Variants in DENND1C observed in about 807,000 individuals in gnomAD.
DENND1C encodes the protein DENN domain-containing protein 1C.
DENND1C carries 64 observed loss-of-function variants against 87.9 expected under a neutral mutation model. The ratio of observed to expected loss-of-function variants is 0.73; its 90% CI spans 0.60 to 0.90. The LOEUF (loss-of-function observed/expected upper bound fraction) is 0.90, where lower values mean the gene tolerates loss of function less well. Ranked by LOEUF, DENND1C falls within the 40% of genes least tolerant of loss-of-function variation. The pLI is 0.00. For synonymous variants in DENND1C, 384 were observed against 424.4 expected, an observed-to-expected ratio of 0.90 and a Z score of 1.17; for missense variants, 980 against 1,037.0, an observed-to-expected ratio of 0.95 and a Z score of 0.76.
intron 10 of DENND1C, chr19:6,476,610 C>G: frequency 4.0e-6 from 2 of 498,552 alleles, no homozygotes; most frequent in Non-Finnish European, 7.1e-6. Flanking sequence ...TGGAGCCAGA[C>G]GTGTTGCGGC....
chr19:6,478,408 A>AT (rs2092875790), intron 6 of DENND1C, among the ~76,000 whole-genome samples: 1 of 106,862 alleles, frequency 9.4e-6, no homozygotes, highest in African/African-American at 3.9e-5. Flanking sequence ...ACGGCCGGCT[A>AT]ATTTTTTTTT....
Position 6,468,404 on chromosome 19 carries a change from A to C in DENND1C, c.1621T>G (p.Trp541Gly), listed in dbSNP as rs1329536098. Residue 541 changes from tryptophan (W) to glycine (G), a missense_variant, in exon 22 of 23, where the codon TGG becomes GGG. Trp to Gly is a radical substitution (Grantham distance 184). Transcript: ENST00000381480. ...CTGCTGTCCAGAGCTTCTTCTGCCC[A>C]CGGGCACCCCTCATCCTCAGGGCTC... ...PLSPEDEGCPWAEEALDSSFL... is the reference protein window; with the variant it reads ...PLSPEDEGCPGAEEALDSSFL... 5 of 1,613,712 alleles carry C rather than the reference A, an allele frequency of 3.1e-6. No homozygotes were observed. The highest frequency in any genetic ancestry group is 4.2e-6 in the Non-Finnish European group (5 of 1,179,802).
Position 6,471,290 on chromosome 19 carries a change from T to A in DENND1C, c.1265A>T (p.Tyr422Phe). The change falls in exon 17 of 23, where the codon TAT becomes TTT. Residue 422 changes from tyrosine (Y) to phenylalanine (F), a missense_variant. By Grantham distance (22) the Tyr-to-Phe change is conservative. Transcript: ENST00000381480. Reference sequence around the variant, plus strand: ...CTTTAGATTGTCGGCCCAGAGCTGATAGGATCGAAGGGCCCCTGGGGTAAG... The same window carrying A: ...CTTTAGATTGTCGGCCCAGAGCTGAAAGGATCGAAGGGCCCCTGGGGTAAG... The part of the protein sequence containing the change: ...CGASSGALRS[Y>F]QLWADNLKKG... The A allele has an allele frequency of 6.3e-7, 1 of 1,597,774 alleles. No individual in the cohort carries two copies. The highest frequency in any genetic ancestry group is 1.8e-5 in the Admixed American group (1 of 57,068).
In DENND1C at chr19:6,479,276, T is replaced by C. The variant is rs530192287; in HGVS notation, c.177-220A>G. The stretch of plus-strand genomic sequence containing the variant: ...CCCTGGGTCCCTGGATCTCTGGGTT[T>C]CTGGATCTCTGGGTCCTTGAATCCC... On this transcript the variant is annotated intron_variant, in intron 4 of 22. Transcript: ENST00000381480. Among the ~76,000 whole-genome samples the C allele has an allele frequency of 1.6e-3, 231 of 148,264 alleles. 1 individual carries two copies. Among genetic ancestry groups the C allele is most frequent in the African/African-American group, 5.7e-3 (219 of 38,654 alleles).
Position 6,467,307 on chromosome 19 carries a change from T to A in DENND1C, c.*197A>T. 1 of 668,752 alleles carries A rather than the reference T, an allele frequency of 1.5e-6. No individual in the cohort carries two copies. The highest frequency in any genetic ancestry group is 4.6e-4 in the Middle Eastern group (1 of 2,194). 41.4% of individuals were successfully genotyped at this position (668,752 alleles called of 1,614,324 possible). A position where few individuals can be genotyped will look rare whatever the true frequency, so the allele number is the denominator to read the frequency against. ...AGAGGAATTGTAAGGTTGCCAGGAT[T>A]CTAGAAGACCAGGAGGCTTCCTGGA... On this transcript the variant is annotated 3_prime_UTR_variant, in exon 23 of 23. Transcript: ENST00000381480.
At chr19:6,470,780 C>T (rs1230056859) in intron 17 of DENND1C, among the ~76,000 whole-genome samples, 1 of 150,834 alleles carries the variant, frequency 6.6e-6, no homozygotes, top group East Asian at 2.0e-4. Context: ...TGCCACCACA[C>T]CCGGCTAATT....
In DENND1C at chr19:6,470,377, G is replaced by A; in HGVS notation, c.1291-11C>T. The stretch of plus-strand genomic sequence containing the variant: ...GGCGCCACCACCTTTCTGCGGGAGA[G>A]AAGATACCAAGGGGGAGAGGCTAGG... On this transcript the variant is annotated splice_polypyrimidine_tract_variant and intron_variant, in intron 17 of 22. Transcript: ENST00000381480. 1 of 1,611,548 alleles carries A rather than the reference G, an allele frequency of 6.2e-7. No individual in the cohort carries two copies. The highest frequency in any genetic ancestry group is 1.1e-5 in the South Asian group (1 of 90,424).
Position 6,477,077 on chromosome 19 carries a change from C to T in DENND1C, c.564G>A (p.Glu188=), listed in dbSNP as rs529257225. The T allele has an allele frequency of 6.2e-7, 1 of 1,607,298 alleles. No individual in the cohort carries two copies. The highest frequency in any genetic ancestry group is 8.5e-7 in the Non-Finnish European group (1 of 1,177,022). ...CCAGAGACCCCTCCCCACTCACGTT[C>T]TCAGGGATGGATGGCAGGCGGCCGG... ...PDSGRLPSIP[E]NRNLTELVVA... Residue 188 remains glutamate (E), a synonymous_variant, in exon 9 of 23, where the codon GAG becomes GAA. Transcript: ENST00000381480.
At position 6,477,284 on chromosome 19, in the gene DENND1C, C is replaced by T. The variant is rs1381018967; in HGVS notation, c.448-1G>A. The T allele has an allele frequency of 6.3e-7, 1 of 1,592,442 alleles. No individual in the cohort carries two copies. The highest frequency in any genetic ancestry group is 1.3e-5 in the African/African-American group (1 of 74,476). On this transcript the variant is annotated splice_acceptor_variant, in intron 7 of 22. Coordinates refer to ENST00000381480, the MANE Select transcript of DENND1C (RefSeq NM_024898.4). LOFTEE classifies it high-confidence loss of function. ...CGCTGGAGACCGTCACTCCGCTGCC[C>T]TGGGGAAGAGGCACGACTCTGTGGT... is the stretch of plus-strand genomic sequence containing the variant.
chr19:6,471,572 C>G, intron 15 of DENND1C, 76 bp from the exon 16 acceptor site: 1 of 1,372,278 alleles, frequency 7.3e-7, no homozygotes, highest in Non-Finnish European at 9.7e-7. Flanking sequence ...TGCCTGCTGT[C>G]AAGATGTAGA....
Position 6,478,660 on chromosome 19 carries a change from A to T in DENND1C, c.366+123T>A, listed in dbSNP as rs57346797. 1.0e-2 allele frequency: 11,553 copies of T among 1,160,750 alleles called. 792 individuals are homozygous for T. The African/African-American group carries it at 0.15, about 15-fold the overall frequency. The allele number at this position is 1,160,750 out of a possible 1,614,324, so 71.9% of individuals were successfully genotyped here. A position where few individuals can be genotyped will look rare whatever the true frequency, so the allele number is the denominator to read the frequency against. On this transcript the variant is annotated intron_variant, in intron 6 of 22. Transcript: ENST00000381480. ...CTCCCACCTCGGCCTCCCAAAATGC[A>T]GGGACTACAGGTGTGACACAGTGTG...
chr19:6,480,277 G>T (rs1316359874), intron 1 of DENND1C: 2 of 1,427,896 alleles, frequency 1.4e-6, no homozygotes, highest in Middle Eastern at 2.6e-4. Flanking sequence ...GTGACTGTGT[G>T]TGTGTGGCTG....
Position 6,479,256 on chromosome 19 carries a change from G to T in DENND1C, c.177-200C>A, listed in dbSNP as rs77004471. On this transcript the variant is annotated intron_variant, in intron 4 of 22. Coordinates refer to ENST00000381480, the MANE Select transcript of DENND1C (RefSeq NM_024898.4). ...GGATCTCTGGGTCCCTGAGTCCCTG[G>T]GTCCCTGGATCTCTGGGTTTCTGGA... Among the ~76,000 whole-genome samples, 837 of 144,472 alleles carry T rather than the reference G, an allele frequency of 5.8e-3. 13 individuals are homozygous for T. The highest frequency in any genetic ancestry group is 0.023 in the African/African-American group (808 of 34,966). 94.8% of individuals were successfully genotyped at this position (144,472 alleles called of 152,430 possible).
In DENND1C at chr19:6,476,239, G is replaced by A. The variant is rs146669593; in HGVS notation, c.679-302C>T. The A allele has an allele frequency of 3.5e-3, 1,334 of 386,310 alleles. 5 individuals are homozygous for A. Among genetic ancestry groups the A allele is most frequent in the South Asian group, 5.2e-3 (127 of 24,468 alleles). 23.9% of individuals were successfully genotyped at this position (386,310 alleles called of 1,614,324 possible). ...GTAGAGCAAGGACTGAGCCTCCACT[G>A]ACTCCACCCCGAAAGAGGTGGAGCT... On this transcript the variant is annotated intron_variant, in intron 10 of 22. Transcript: ENST00000381480.
intron 14 of DENND1C, among the ~76,000 whole-genome samples, chr19:6,473,811 G>A (rs374745196): frequency 2.1e-5 from 3 of 142,904 alleles, no homozygotes; most frequent in Admixed American, 1.4e-4. Flanking sequence ...GGGCGGGGGG[G>A]TGGGGGGAGG....
In DENND1C at chr19:6,469,619, C is replaced by A; in HGVS notation, c.1384G>T (p.Val462Leu). 1.2e-6 allele frequency: 2 copies of A among 1,606,834 alleles called. No individual in the cohort carries two copies. Among genetic ancestry groups the A allele is most frequent in the Non-Finnish European group, 1.7e-6 (2 of 1,176,878 alleles). ...ACCTTATACATTAGAAGGCTCTGCA[C>A]CCCCTTCAAGCCACTCTTGGCCTAT... ...YRSAKSGLKG[V>L]QSLLMYKDGD... The change falls in exon 19 of 23, where the codon GTG becomes TTG. Residue 462 changes from valine to leucine, a missense_variant. Val to Leu is a conservative substitution (Grantham distance 32). Transcript: ENST00000381480.
chr19:6,477,144 C>A lies in DENND1C; in HGVS notation c.514-17G>T. 1 of 1,600,326 alleles carries A rather than the reference C, an allele frequency of 6.2e-7. No homozygotes were observed. Among genetic ancestry groups the A allele is most frequent in the South Asian group, 1.1e-5 (1 of 89,988 alleles). On this transcript the variant is annotated splice_polypyrimidine_tract_variant and intron_variant, in intron 8 of 22. Transcript: ENST00000381480. ...GCAGGAAAGCTGGTGGGGGTATTGG[C>A]AGGGGGATCAATCAGTCAGGAGGCT...
At chr19:6,477,848 G>A (rs2092872006) in intron 6 of DENND1C, among the ~76,000 whole-genome samples, 1 of 149,528 alleles carries the variant, frequency 6.7e-6, no homozygotes, top group African/African-American at 2.4e-5. Flanking sequence ...CGGATCACCT[G>A]AGGCCAGGAG....
chr19:6,480,573 T>C (rs1231174685), intron 1 of DENND1C: 4 of 217,866 alleles, frequency 1.8e-5, no homozygotes, highest in African/African-American at 1.4e-4. Context: ...TATCTATCTA[T>C]CTATCTATCT....
Sources: allele counts gnomAD v4.1 joint callset (sites outside exome capture counted in the v4.1 genomes callset), GRCh38; gene constraint gnomAD v4.1.1; transcripts MANE v1.5; gene names NCBI Gene and HGNC (gene_info 2026-07-23, HGNC 2026-07-21).